R3HCC1L: variants seen among roughly 807,000 people sequenced by gnomAD.
R3HCC1L encodes coiled-coil domain-containing protein R3HCC1L.
R3HCC1L carries 51 observed loss-of-function variants against 59.9 expected under a neutral mutation model. The observed-to-expected ratio is 0.85, with a 90% CI of 0.68 to 1.07. The LOEUF (loss-of-function observed/expected upper bound fraction) is 1.07. Among genes scored for constraint, R3HCC1L ranks in the 50% least tolerant of loss-of-function variants. R3HCC1L has a pLI of 0.00. For missense variants in R3HCC1L, 965 were observed against 933.0 expected (o/e 1.03, Z -0.45); for synonymous variants, 322 against 315.2 (o/e 1.02, Z -0.23).
chr10:98,223,510 T>C (rs1485509575), intron 5 of R3HCC1L, among the ~76,000 whole-genome samples: 1 of 151,980 alleles, frequency 6.6e-6, no homozygotes, highest in African/African-American at 2.4e-5. Flanking sequence ...CTTCAAATTT[T>C]ATGGATTGGC....
chr10:98,167,129 G>T (rs1848029773), intron 4 of R3HCC1L, among the ~76,000 whole-genome samples: 1 of 151,776 alleles, frequency 6.6e-6, no homozygotes. Context: ...TAAGAATTCA[G>T]TTTAAATACC....
chr10:98,233,888 A>ATCT (rs1276460348), intron 6 of R3HCC1L, among the ~76,000 whole-genome samples: 2 of 152,138 alleles, frequency 1.3e-5, no homozygotes, highest in African/African-American at 4.8e-5. Context: ...CAAGTGAAGA[A>ATCT]TAGATCAGCC....
chr10:98,165,711 A>G (rs1238026264), intron 4 of R3HCC1L, among the ~76,000 whole-genome samples: 4 of 152,152 alleles, frequency 2.6e-5, no homozygotes, highest in African/African-American at 9.7e-5. Context: ...GCTACAATGA[A>G]CCTTTGGCTG....
Position 98,152,638 on chromosome 10 carries a change from C to T in R3HCC1L, c.-267-3455C>T, listed in dbSNP as rs1202049265. ...TGAGATGCGGGGAGCGCCTCTGCCCCGCCACCCCGTCTGGGATGTGAGGAG... is the reference window on the plus strand; with the variant it reads ...TGAGATGCGGGGAGCGCCTCTGCCCTGCCACCCCGTCTGGGATGTGAGGAG... On this transcript the variant is annotated intron_variant, in intron 1 of 9. Coordinates refer to ENST00000298999, the MANE Select transcript of R3HCC1L (RefSeq NM_001351015.2). Among the ~76,000 whole-genome samples, 9 of 121,032 alleles carry T rather than the reference C, an allele frequency of 7.4e-5. 3 individuals are homozygous for T. The highest frequency in any genetic ancestry group is 6.2e-4 in the Admixed American group (7 of 11,282). The allele number at this position is 121,032 out of a possible 152,430, so 79.4% of individuals were successfully genotyped here.
chr10:98,189,941 A>C (rs1282817601), intron 4 of R3HCC1L, among the ~76,000 whole-genome samples: 1 of 152,222 alleles, frequency 6.6e-6, no homozygotes, highest in Non-Finnish European at 1.5e-5. Flanking sequence ...TTGCAAATGC[A>C]GTTGACCCTT....
intron 5 of R3HCC1L, among the ~76,000 whole-genome samples, chr10:98,227,859 G>A (rs1190785582): frequency 6.6e-6 from 1 of 151,256 alleles, no homozygotes; most frequent in Non-Finnish European, 1.5e-5. Context: ...GCGATAGTTT[G>A]CTGAGAATGA....
At chr10:98,221,771 G>A (rs1855004986) in intron 5 of R3HCC1L, among the ~76,000 whole-genome samples, 1 of 152,168 alleles carries the variant, frequency 6.6e-6, no homozygotes, top group Admixed American at 6.5e-5. Context: ...ATGCTGTTTT[G>A]GTTACTGTAG....
intron 5 of R3HCC1L, among the ~76,000 whole-genome samples, chr10:98,219,405 T>C (rs545459362): frequency 6.6e-6 from 1 of 152,372 alleles, no homozygotes; most frequent in South Asian, 2.1e-4. Context: ...AGCCAAATTA[T>C]ATCTTTTAAG....
chr10:98,152,418 T>C (rs868071572), intron 1 of R3HCC1L, among the ~76,000 whole-genome samples: 43 of 148,262 alleles, frequency 2.9e-4, no homozygotes, highest in Middle Eastern at 7.0e-3. Context: ...CCGCCCATCG[T>C]CTGGGATGTG....
At chr10:98,237,810 G>A (rs1412572120) in intron 9 of R3HCC1L, among the ~76,000 whole-genome samples, 1 of 152,044 alleles carries the variant, frequency 6.6e-6, no homozygotes, top group African/African-American at 2.4e-5. Flanking sequence ...ATCTTTCTGT[G>A]TTGGGCAGAT....
intron 1 of R3HCC1L, among the ~76,000 whole-genome samples, chr10:98,142,615 G>A (rs1363718165): frequency 6.6e-6 from 1 of 150,756 alleles, no homozygotes; most frequent in East Asian, 2.0e-4. Context: ...TCCAGTCTGG[G>A]CGACAGAGTG....
At chr10:98,194,085 A>G (rs920914258) in intron 4 of R3HCC1L, among the ~76,000 whole-genome samples, 2 of 152,188 alleles carry the variant, frequency 1.3e-5, no homozygotes, top group Non-Finnish European at 2.9e-5. Flanking sequence ...TCCATAGTAT[A>G]TTACAAAGCT....
At chr10:98,173,787 A>G (rs1776842854) in intron 4 of R3HCC1L, among the ~76,000 whole-genome samples, 2 of 152,026 alleles carry the variant, frequency 1.3e-5, no homozygotes, top group Non-Finnish European at 1.5e-5. Flanking sequence ...ATCTATCTCC[A>G]TAATTGCTTG....
chr10:98,232,361 A>G (rs1020370139), intron 6 of R3HCC1L, among the ~76,000 whole-genome samples: 1 of 152,166 alleles, frequency 6.6e-6, no homozygotes, highest in African/African-American at 2.4e-5. Flanking sequence ...GTTTAATTTT[A>G]TTTAATTCCA....
intron 5 of R3HCC1L, among the ~76,000 whole-genome samples, chr10:98,223,150 A>G (rs1384743628): frequency 2.0e-5 from 3 of 152,324 alleles, no homozygotes; most frequent in East Asian, 3.9e-4. Flanking sequence ...AACTATTCCA[A>G]TCAATAGAAT....
intron 1 of R3HCC1L, among the ~76,000 whole-genome samples, chr10:98,146,504 G>A (rs1845673219): frequency 6.6e-6 from 1 of 151,998 alleles, no homozygotes; most frequent in Non-Finnish European, 1.5e-5. Flanking sequence ...CCACCAATCT[G>A]CATTCTATCT....
intron 4 of R3HCC1L, among the ~76,000 whole-genome samples, chr10:98,205,775 A>G (rs1852569071): frequency 6.6e-6 from 1 of 152,210 alleles, no homozygotes; most frequent in Admixed American, 6.5e-5. Context: ...TAACTGTGGC[A>G]CATAATAATT....
intron 4 of R3HCC1L, among the ~76,000 whole-genome samples, chr10:98,195,667 G>A (rs1851356713): frequency 4.0e-5 from 6 of 151,826 alleles, no homozygotes; most frequent in Non-Finnish European, 7.4e-5. Flanking sequence ...AGACCTTTGA[G>A]CCATCTATTA....
Position 98,244,100 on chromosome 10 carries a change from G to A in R3HCC1L, c.2279G>A (p.Arg760Gln), listed in dbSNP as rs762001537. 110 of 1,613,874 alleles carry A rather than the reference G, an allele frequency of 6.8e-5. No homozygotes were observed. The highest frequency in any genetic ancestry group is 6.6e-4 in the Middle Eastern group (4 of 6,062). The part of the protein sequence containing the change: ...KKLQEARERK[R>Q]LEAKQREDIW... Reference sequence around the variant, plus strand: ...CTGCTCTTATTTACAGAGAGAAAGCGGTTGGAAGCCAAGCAACGGGAAGAC... The same window carrying A: ...CTGCTCTTATTTACAGAGAGAAAGCAGTTGGAAGCCAAGCAACGGGAAGAC... The change falls in exon 10 of 10, where the codon CGG becomes CAG. Residue 760 changes from arginine (R) to glutamine (Q), a missense_variant. Physicochemically the swap from Arg to Gln is conservative, Grantham distance 43. Transcript: ENST00000298999.
Sources: allele counts gnomAD v4.1 joint callset (sites outside exome capture counted in the v4.1 genomes callset), GRCh38; gene constraint gnomAD v4.1.1; transcripts MANE v1.5; gene names NCBI Gene and HGNC (gene_info 2026-07-23, HGNC 2026-07-21).